The following DCUN1D4 variants were observed in gnomAD, a reference collection of about 807,000 sequenced individuals.
The protein encoded by DCUN1D4 is defective in cullin neddylation 1 domain containing 4, also known as DCN1-like protein 4.
DCUN1D4 carries 22 observed loss-of-function variants against 47.9 expected under a neutral mutation model. That is an observed-to-expected ratio of 0.46 (90% CI 0.33 to 0.66). DCUN1D4 has a LOEUF of 0.66. Among genes scored for constraint, DCUN1D4 ranks in the 30% least tolerant of loss-of-function variants. The pLI is 0.02. For synonymous variants in DCUN1D4, 121 were observed against 112.2 expected, an observed-to-expected ratio of 1.08 and a Z score of -0.50; for missense variants, 301 against 340.8, an observed-to-expected ratio of 0.88 and a Z score of 0.92.
intron 1 of DCUN1D4, 44 bp from the exon 2 acceptor site, chr4:51,863,393 A>T (rs1725379479): frequency 2.1e-6 from 3 of 1,425,162 alleles, no homozygotes; most frequent in South Asian, 1.2e-5. Flanking sequence ...TTTTTACAAT[A>T]TTGGAAATAA....
At chr4:51,836,076 G>C in the DCUN1D4 span, among the ~76,000 whole-genome samples, 1 of 152,174 alleles carries the variant, frequency 6.6e-6, no homozygotes, top group Non-Finnish European at 1.5e-5. Flanking sequence ...CGGGAGGAAA[G>C]CTAACAGAGT....
At chr4:51,879,022 A>G (rs1467456335) in intron 5 of DCUN1D4, among the ~76,000 whole-genome samples, 3 of 152,162 alleles carry the variant, frequency 2.0e-5, no homozygotes, top group Admixed American at 6.5e-5. Flanking sequence ...TTTCAGATTG[A>G]AGCTGGGAGG....
chr4:51,839,285 A>T (rs1721572227), upstream of DCUN1D4, among the ~76,000 whole-genome samples: 1 of 152,190 alleles, frequency 6.6e-6, no homozygotes, highest in Non-Finnish European at 1.5e-5. Flanking sequence ...CCAACACAGG[A>T]ATATTAAAAA....
At chr4:51,890,121 T>G (rs1443175778) in intron 6 of DCUN1D4, among the ~76,000 whole-genome samples, 1 of 152,084 alleles carries the variant, frequency 6.6e-6, no homozygotes, top group Non-Finnish European at 1.5e-5. Flanking sequence ...AGCTAGAGAT[T>G]TTTTAGCCTA....
chr4:51,841,990 G>A (rs1359577550), upstream of DCUN1D4, among the ~76,000 whole-genome samples: 2 of 35,144 alleles, frequency 5.7e-5, no homozygotes, highest in Non-Finnish European at 5.8e-5. Context: ...GTGGGGGTGG[G>A]TTGGGGTGGG....
chr4:51,877,882 C>A (rs753288489), intron 5 of DCUN1D4, 28 bp downstream of exon 5: 2 of 1,442,150 alleles, frequency 1.4e-6, no homozygotes, highest in Non-Finnish European at 1.9e-6. Flanking sequence ...TCATCTAAGA[C>A]TGATCCTTAT....
At chr4:51,865,106 C>G (rs897024956) in intron 3 of DCUN1D4, 3 of 225,736 alleles carry the variant, frequency 1.3e-5, no homozygotes, top group Non-Finnish European at 3.0e-5. Context: ...TCATCCAAAG[C>G]TTTGAACTTC....
At chr4:51,837,438 C>T in the DCUN1D4 span, among the ~76,000 whole-genome samples, 1 of 151,676 alleles carries the variant, frequency 6.6e-6, no homozygotes, top group Non-Finnish European at 1.5e-5. Flanking sequence ...GAGGCCGAGG[C>T]GGGCGGATCA....
chr4:51,865,293 A>G lies in DCUN1D4; in HGVS notation c.136+1584A>G, dbSNP rs367949472. On this transcript the variant is annotated intron_variant, in intron 3 of 10. Coordinates refer to ENST00000334635, the MANE Select transcript of DCUN1D4 (RefSeq NM_001040402.3). The stretch of plus-strand genomic sequence containing the variant: ...TTTGCAGCCAAGCCAGCGTGGAGCT[A>G]CTCTTCCACAACACCTGGAAGGAGG... 3.0e-5 allele frequency: 7 copies of G among 230,812 alleles called. No individual in the cohort carries two copies. In the East Asian group the frequency reaches 6.5e-4, roughly 21 times the overall value. The allele number at this position is 230,812 out of a possible 1,614,324, so 14.3% of individuals were successfully genotyped here. A position where few individuals can be genotyped will look rare whatever the true frequency, so the allele number is the denominator to read the frequency against.
upstream of DCUN1D4, among the ~76,000 whole-genome samples, chr4:51,839,262 A>G (rs1721571558): frequency 6.6e-6 from 1 of 152,062 alleles, no homozygotes; most frequent in Non-Finnish European, 1.5e-5. Context: ...GAAAGAAAGA[A>G]AGAAACTAAA....
intron 9 of DCUN1D4, among the ~76,000 whole-genome samples, chr4:51,912,742 CAAG>C (rs1733891137): frequency 6.6e-6 from 1 of 152,172 alleles, no homozygotes; most frequent in African/African-American, 2.4e-5. Flanking sequence ...TTTTCTGTGA[CAAG>C]AACACCTAAT....
intron 1 of DCUN1D4, among the ~76,000 whole-genome samples, chr4:51,852,618 T>C (rs1723535529): frequency 6.6e-6 from 1 of 152,176 alleles, no homozygotes; most frequent in African/African-American, 2.4e-5. Flanking sequence ...TAGTTCTAGG[T>C]TCAGTCTGTC....
At position 51,881,231 on chromosome 4, in the gene DCUN1D4, C is replaced by G. The variant is rs144192811; in HGVS notation, c.343+3377C>G. 2.8e-3 allele frequency among the ~76,000 whole-genome samples: 419 copies of G among 152,234 alleles called. 3 individuals carry two copies. The highest frequency in any genetic ancestry group is 0.014 in the Middle Eastern group (4 of 294). ...GGAATTAAACCAAATACACAGGTGC[C>G]AACATTGGTTTTACAGTTATACTAA... On this transcript the variant is annotated intron_variant, in intron 5 of 10. Transcript: ENST00000334635.
intron 1 of DCUN1D4, chr4:51,843,738 G>A (rs1721984039): frequency 1.6e-6 from 2 of 1,215,422 alleles, no homozygotes; most frequent in East Asian, 3.3e-5. Context: ...CCGTGAGAAA[G>A]GCGGGTGAGT....
rs1455681069 is a variant in DCUN1D4 at position 51,894,900 on chromosome 4, A to T, written c.506+3049A>T. Among the ~76,000 whole-genome samples the T allele has an allele frequency of 2.0e-5, 3 of 152,250 alleles. No individual in the cohort carries two copies. In the East Asian group the frequency reaches 5.8e-4, roughly 29 times the overall value. On this transcript the variant is annotated intron_variant, in intron 7 of 10. Transcript: ENST00000334635. ...TATAAATAAAATTCCAGAGAATTTT[A>T]TTTCTCTGGAGGCCCAGAAGTTCAA...
At chr4:51,874,775 G>A (rs1727424830) in intron 4 of DCUN1D4, 1 of 158,788 alleles carries the variant, frequency 6.3e-6, no homozygotes, top group African/African-American at 2.4e-5. Context: ...GTACTTAATG[G>A]TCTGTGCCCG....
intron 1 of DCUN1D4, chr4:51,848,379 A>G: frequency 8.6e-7 from 1 of 1,164,888 alleles, no homozygotes; most frequent in South Asian, 1.8e-5. Flanking sequence ...TCTGATGTTA[A>G]GGGGCCTAGA....
chr4:51,838,978 G>A (rs1186721783), upstream of DCUN1D4, among the ~76,000 whole-genome samples: 11 of 152,144 alleles, frequency 7.2e-5, no homozygotes. Context: ...GAGAGGCTGA[G>A]GCAGGAGAAT....
chr4:51,863,463 A>G lies in DCUN1D4; in HGVS notation c.52A>G (p.Thr18Ala), dbSNP rs779695620. ...VNFQLNSHLS[T>A]LANIHKIYHT... ...TTTTCAGCTGAACTCTCATCTCTCA[A>G]CACTGGCAAATATTCATAAGATCTA... is the stretch of plus-strand genomic sequence containing the variant. Residue 18 changes from threonine to alanine, a missense_variant, in exon 2 of 11, where the codon ACA (threonine) becomes GCA (alanine). Transcript: ENST00000334635. 2 of 1,612,994 alleles carry G rather than the reference A, an allele frequency of 1.2e-6. No homozygotes were observed. The highest frequency in any genetic ancestry group is 1.1e-5 in the South Asian group (1 of 90,804).
Sources: gnomAD v4.1 joint callset for allele counts (sites outside exome capture counted in the v4.1 genomes callset) on GRCh38, gnomAD v4.1.1 for gene constraint, MANE v1.5 for transcripts, NCBI Gene and HGNC (gene_info 2026-07-23, HGNC 2026-07-21) for gene names.